Variants in MGST2 observed in about 807,000 individuals in gnomAD.
MGST2 encodes the protein microsomal glutathione S-transferase 2, also known as glutathione peroxidase MGST2.
A neutral mutation model predicts 16.6 loss-of-function variants in MGST2; 9 were observed. That is an observed-to-expected ratio of 0.54 (90% CI 0.33 to 0.95). The LOEUF is 0.95. MGST2 is among the 40% of genes least tolerant of loss of function. The probability of loss-of-function intolerance (pLI) is 0.03; values close to 1 mark genes in which losing one functional copy is unlikely to be tolerated. For missense variants in MGST2, 159 were observed against 175.1 expected (o/e 0.91, Z 0.52); for synonymous variants, 79 against 68.0 (o/e 1.16, Z -0.79).
intron 5 of MGST2, among the ~76,000 whole-genome samples, chr4:139,726,808 C>G (rs1379346255): frequency 6.6e-6 from 1 of 152,190 alleles, no homozygotes; most frequent in Non-Finnish European, 1.5e-5. Flanking sequence ...GCTAGTGTTG[C>G]TACCAATATG....
chr4:139,709,368 C>T (rs1208925005), intron 5 of MGST2, among the ~76,000 whole-genome samples: 2 of 151,984 alleles, frequency 1.3e-5, no homozygotes, highest in African/African-American at 4.8e-5. Flanking sequence ...CAGGTGTGAG[C>T]CATCACGCCC....
At chr4:139,690,667 G>A (rs997154213) in intron 2 of MGST2, among the ~76,000 whole-genome samples, 1 of 152,174 alleles carries the variant, frequency 6.6e-6, no homozygotes, top group African/African-American at 2.4e-5. Context: ...AACTGTTAGA[G>A]CTATGCAATC....
chr4:139,690,138 C>T (rs979684594), intron 2 of MGST2, among the ~76,000 whole-genome samples: 11 of 151,992 alleles, frequency 7.2e-5, no homozygotes, highest in Admixed American at 2.6e-4. Flanking sequence ...ACTACAGGCA[C>T]GCACCACCAT....
In MGST2 at chr4:139,735,155, T is replaced by C. The variant is rs889813270; in HGVS notation, c.*49-5057T>C. Among the ~76,000 whole-genome samples the C allele has an allele frequency of 3.9e-5, 6 of 152,326 alleles. No individual in the cohort carries two copies. The highest frequency in any genetic ancestry group is 3.4e-3 in the Middle Eastern group (1 of 294). On this transcript the variant is annotated intron_variant, in intron 5 of 5. Transcript: ENST00000616265. This position sits in a 1 kb window ranked among gnomAD's most constrained non-coding sequence, Gnocchi z 5.8. ...GTGTTACTGCGTACAGCAGGTAGCCTGGCAACTGAGAGCACAATACCGAGC... is the reference window on the plus strand; with the variant it reads ...GTGTTACTGCGTACAGCAGGTAGCCCGGCAACTGAGAGCACAATACCGAGC...
chr4:139,719,249 G>T, intron 5 of MGST2: 2 of 1,484,532 alleles, frequency 1.3e-6, no homozygotes, highest in East Asian at 2.3e-5. Context: ...AAACAAGGAT[G>T]GGTCAACATC....
At chr4:139,668,595 C>G (rs147246235) in intron 1 of MGST2, among the ~76,000 whole-genome samples, 4 of 135,100 alleles carry the variant, frequency 3.0e-5, no homozygotes, top group African/African-American at 8.5e-5. Context: ...AAGAAAGACA[C>G]AGAGAGAGAG....
intron 5 of MGST2, among the ~76,000 whole-genome samples, chr4:139,710,530 C>T (rs371486197): frequency 3.3e-5 from 5 of 152,242 alleles, no homozygotes; most frequent in African/African-American, 1.2e-4. Flanking sequence ...CTAGTGTCAG[C>T]GTCCCCCTGT....
chr4:139,737,359 T>TCTGATGTCCCACAG (rs112442451), intron 5 of MGST2, among the ~76,000 whole-genome samples: 76,091 of 151,278 alleles, frequency 0.5, 19,866 homozygotes, highest in South Asian at 0.64. Flanking sequence ...AAGGAACTTG[T>TCTGATGTCCCACAG]CTGGTGGTGG....
chr4:139,696,052 GAA>G (rs916504453), intron 3 of MGST2, among the ~76,000 whole-genome samples: 79 of 152,270 alleles, frequency 5.2e-4, no homozygotes, highest in African/African-American at 1.9e-3. Flanking sequence ...CTAGGGAAAA[GAA>G]AATGTTATTA....
intron 5 of MGST2, among the ~76,000 whole-genome samples, chr4:139,734,201 C>T (rs1450782716): frequency 1.3e-5 from 2 of 152,180 alleles, no homozygotes; most frequent in African/African-American, 4.8e-5. Context: ...AACCTCCAGT[C>T]TCAGAGGGCT....
intron 2 of MGST2, among the ~76,000 whole-genome samples, chr4:139,683,928 T>G (rs1314731673): frequency 1.4e-5 from 2 of 145,264 alleles, no homozygotes; most frequent in South Asian, 4.6e-4. Context: ...TGTTTTTTTT[T>G]TTTTTTTTTT....
intron 5 of MGST2, among the ~76,000 whole-genome samples, chr4:139,721,710 C>T (rs1413910228): frequency 1.3e-5 from 2 of 151,966 alleles, no homozygotes; most frequent in Admixed American, 6.6e-5. Context: ...AAAAATGAAA[C>T]GATTTCTATC....
chr4:139,710,449 T>A (rs1218645013), intron 5 of MGST2, among the ~76,000 whole-genome samples: 1 of 152,174 alleles, frequency 6.6e-6, no homozygotes, highest in Non-Finnish European at 1.5e-5. Context: ...CGAGTATAAG[T>A]AAGAATATGT....
At chr4:139,716,066 G>C (rs1727941820) in intron 5 of MGST2, among the ~76,000 whole-genome samples, 2 of 151,780 alleles carry the variant, frequency 1.3e-5, no homozygotes, top group Admixed American at 1.3e-4. Context: ...TGCCCGGTCT[G>C]GGGGGCACCT....
chr4:139,695,576 C>T (rs544775986), intron 3 of MGST2, among the ~76,000 whole-genome samples: 4 of 152,118 alleles, frequency 2.6e-5, no homozygotes, highest in Admixed American at 6.6e-5. Context: ...GAGCTGAGAT[C>T]GTGCCACTAC....
intron 1 of MGST2, among the ~76,000 whole-genome samples, 156 bp from the exon 2 acceptor site, chr4:139,678,387 A>G (rs574210536): frequency 6.6e-6 from 1 of 152,274 alleles, no homozygotes; most frequent in South Asian, 2.1e-4. Flanking sequence ...TTGCTCTCAT[A>G]TCCTCTCCTG....
At chr4:139,667,262 C>T (rs1730414282) in intron 1 of MGST2, among the ~76,000 whole-genome samples, 2 of 152,188 alleles carry the variant, frequency 1.3e-5, no homozygotes, top group South Asian at 4.2e-4. Flanking sequence ...TTAGGCTGAA[C>T]TTAAAATATG....
At chr4:139,748,158 G>C in the MGST2 span, among the ~76,000 whole-genome samples, 1 of 151,828 alleles carries the variant, frequency 6.6e-6, no homozygotes. Context: ...GGTATATTCA[G>C]CTTCCAGATA....
intron 5 of MGST2, among the ~76,000 whole-genome samples, chr4:139,714,808 A>C (rs1358017509): frequency 6.6e-6 from 1 of 152,174 alleles, no homozygotes; most frequent in Non-Finnish European, 1.5e-5. Flanking sequence ...CAGCGACACT[A>C]AAAAGTTCAG....
Sources: allele counts gnomAD v4.1 joint callset (sites outside exome capture counted in the v4.1 genomes callset), GRCh38; gene constraint gnomAD v4.1.1; non-coding constraint Gnocchi (gnomAD v3.1); transcripts MANE v1.5; gene names NCBI Gene and HGNC (gene_info 2026-07-23, HGNC 2026-07-21).